Variants in NIBAN1 observed in about 807,000 individuals in gnomAD.
NIBAN1 encodes the protein protein Niban 1.
Under a neutral mutation model 75.1 loss-of-function variants are expected in NIBAN1, and 81 were observed. The observed-to-expected ratio is 1.08, with a 90% CI of 0.90 to 1.30. The LOEUF is 1.30. Ranked by LOEUF, NIBAN1 falls within the 50% of genes most tolerant of loss-of-function variation. NIBAN1 has a pLI of 0.00. For synonymous variants in NIBAN1, 436 were observed against 424.8 expected, an observed-to-expected ratio of 1.03 and a Z score of -0.32; for missense variants, 1,133 against 1,128.1, an observed-to-expected ratio of 1.00 and a Z score of -0.06.
At chr1:184,821,667 C>T (rs147140826) in intron 8 of NIBAN1, among the ~76,000 whole-genome samples, 2 of 152,336 alleles carry the variant, frequency 1.3e-5, no homozygotes, top group East Asian at 1.9e-4. Flanking sequence ...TTAGGCCCAA[C>T]TTAGCTCCAG....
intron 1 of NIBAN1, among the ~76,000 whole-genome samples, chr1:184,921,141 A>G (rs990917682): frequency 6.6e-6 from 1 of 151,306 alleles, no homozygotes; most frequent in African/African-American, 2.4e-5. Flanking sequence ...AAAAAAAAAA[A>G]AAAAAATTAG....
intron 5 of NIBAN1, among the ~76,000 whole-genome samples, chr1:184,837,063 T>A (rs549650786): frequency 1.3e-5 from 2 of 152,304 alleles, no homozygotes; most frequent in Admixed American, 1.3e-4. Flanking sequence ...TTCTAAGTTG[T>A]TTGAGAAGGC....
intron 5 of NIBAN1, among the ~76,000 whole-genome samples, chr1:184,834,983 A>G (rs1655099665): frequency 1.3e-5 from 2 of 152,200 alleles, no homozygotes; most frequent in Non-Finnish European, 2.9e-5. Flanking sequence ...TAGGTCAAAC[A>G]TTTAAGTCTT....
At chr1:184,805,893 A>G in intron 11 of NIBAN1, 53 bp downstream of exon 11, 1 of 1,417,974 alleles carries the variant, frequency 7.1e-7, no homozygotes, top group Non-Finnish European at 1.0e-6. Context: ...TACAAAAGAA[A>G]CAGGGGTCAC....
At chr1:184,901,547 AATG>A (rs1245659975) in intron 1 of NIBAN1, among the ~76,000 whole-genome samples, 11 of 152,312 alleles carry the variant, frequency 7.2e-5, no homozygotes, top group African/African-American at 2.2e-4. Flanking sequence ...AAAACATATA[AATG>A]ATGAACAAAA....
At chr1:184,800,096 T>G (rs1263680793) in intron 12 of NIBAN1, among the ~76,000 whole-genome samples, 1 of 142,102 alleles carries the variant, frequency 7.0e-6, no homozygotes, top group African/African-American at 2.8e-5. Flanking sequence ...GGTTTTGATT[T>G]GCATTTCTCT....
chr1:184,859,538 G>A (rs1179668418), intron 5 of NIBAN1, among the ~76,000 whole-genome samples: 1 of 152,084 alleles, frequency 6.6e-6, no homozygotes, highest in Non-Finnish European at 1.5e-5. Context: ...AGTTTGATCT[G>A]TATTTCCCCA....
At chr1:184,919,904 CT>C (rs977502521) in intron 1 of NIBAN1, among the ~76,000 whole-genome samples, 12 of 149,312 alleles carry the variant, frequency 8.0e-5, no homozygotes, top group Non-Finnish European at 1.3e-4. Flanking sequence ...AAGAAATTTC[CT>C]TTTTTCAGGG....
At position 184,897,529 on chromosome 1, in the gene NIBAN1, T is replaced by C. The variant is rs146109271; in HGVS notation, c.186+1650A>G. 3.9e-5 allele frequency among the ~76,000 whole-genome samples: 6 copies of C among 152,272 alleles called. No individual in the cohort carries two copies. The East Asian group carries it at 1.2e-3, about 29-fold the overall frequency. ...GTTTCTTTTCTCTGTCTATAGTCTT[T>C]CCCTGTTTTATGGCCCATGGCCTTA... On this transcript the variant is annotated intron_variant, in intron 2 of 13. Transcript: ENST00000367511.
intron 5 of NIBAN1, among the ~76,000 whole-genome samples, chr1:184,856,827 G>T (rs1475570845): frequency 6.6e-6 from 1 of 152,200 alleles, no homozygotes; most frequent in East Asian, 1.9e-4. Flanking sequence ...AAGGCATAAT[G>T]ATCTGTAACA....
intron 1 of NIBAN1, among the ~76,000 whole-genome samples, chr1:184,923,881 A>G (rs1421044858): frequency 6.6e-6 from 1 of 151,742 alleles, no homozygotes; most frequent in African/African-American, 2.4e-5. Flanking sequence ...CACTGCTGGC[A>G]TATAGAAATG....
At chr1:184,807,235 C>T (rs1031496919) in intron 10 of NIBAN1, among the ~76,000 whole-genome samples, 3 of 151,466 alleles carry the variant, frequency 2.0e-5, no homozygotes, top group East Asian at 1.9e-4. Flanking sequence ...CTTTGGTGAC[C>T]GTACCCCTTA....
chr1:184,811,959 C>T (rs1248156931), intron 9 of NIBAN1, among the ~76,000 whole-genome samples: 4 of 152,142 alleles, frequency 2.6e-5, no homozygotes, highest in African/African-American at 9.7e-5. Flanking sequence ...GATTGTGGGA[C>T]ATGGGGAGCT....
intron 9 of NIBAN1, among the ~76,000 whole-genome samples, chr1:184,811,332 A>G (rs990879418): frequency 6.6e-6 from 1 of 152,198 alleles, no homozygotes; most frequent in African/African-American, 2.4e-5. Flanking sequence ...AGTAAAGCCA[A>G]TATTTTAGGT....
At chr1:184,953,614 CAT>C (rs759548150) in intron 1 of NIBAN1, among the ~76,000 whole-genome samples, 13 of 152,194 alleles carry the variant, frequency 8.5e-5, no homozygotes, top group Admixed American at 1.3e-4. Flanking sequence ...TCATTAAAAA[CAT>C]GTGGAGACAT....
At chr1:184,910,413 GATC>G (rs770180904) in intron 1 of NIBAN1, among the ~76,000 whole-genome samples, 1 of 152,106 alleles carries the variant, frequency 6.6e-6, no homozygotes, top group Non-Finnish European at 1.5e-5. Flanking sequence ...CCTATTTTCA[GATC>G]AAGAAATTAA....
At chr1:184,839,574 CGTGT>C (rs10572240) in intron 5 of NIBAN1, among the ~76,000 whole-genome samples, 1 of 148,494 alleles carries the variant, frequency 6.7e-6, no homozygotes, top group Non-Finnish European at 1.5e-5. Flanking sequence ...TGCACGCGCG[CGTGT>C]GTGTGTGTGT....
At chr1:184,971,498 C>A (rs1303673629) in intron 1 of NIBAN1, among the ~76,000 whole-genome samples, 1 of 151,798 alleles carries the variant, frequency 6.6e-6, no homozygotes, top group Non-Finnish European at 1.5e-5. Flanking sequence ...GGTGAAACCC[C>A]GTCTCTACTA....
chr1:184,822,983 A>G (rs1048287443), intron 8 of NIBAN1, among the ~76,000 whole-genome samples, 184 bp downstream of exon 8: 1 of 152,098 alleles, frequency 6.6e-6, no homozygotes, highest in Non-Finnish European at 1.5e-5. Context: ...TGTGTCCATG[A>G]AGCTTCCACG....
Sources: allele counts gnomAD v4.1 joint callset (sites outside exome capture counted in the v4.1 genomes callset), GRCh38; gene constraint gnomAD v4.1.1; transcripts MANE v1.5; gene names NCBI Gene and HGNC (gene_info 2026-07-23, HGNC 2026-07-21).